The following LINGO1 variants were observed in gnomAD, a reference collection of about 807,000 sequenced individuals.
LINGO1 encodes the protein leucine-rich repeat and immunoglobulin-like domain-containing nogo receptor-interacting protein 1.
In LINGO1, 11 loss-of-function variants were observed where a neutral mutation model predicts 37.3. The ratio of observed to expected loss-of-function variants is 0.29; its 90% confidence interval spans 0.19 to 0.49. The LOEUF is 0.49. Among genes scored for constraint, LINGO1 ranks in the 20% least tolerant of loss-of-function variants. The probability of loss-of-function intolerance (pLI) is 0.99; values close to 1 mark genes in which losing one functional copy is unlikely to be tolerated. For synonymous variants in LINGO1, 387 were observed against 403.0 expected, an observed-to-expected ratio of 0.96 and a Z score of 0.48; for missense variants, 585 against 878.2, an observed-to-expected ratio of 0.67 and a Z score of 4.22.
intron 2 of LINGO1, among the ~76,000 whole-genome samples, chr15:77,682,277 A>AGTGTGC (rs201519543): frequency 2.9e-5 from 4 of 139,832 alleles, no homozygotes; most frequent in African/African-American, 1.1e-4. Context: ...TAGAGATTAA[A>AGTGTGC]GTGTGTGTGT....
chr15:77,714,479 CT>C (rs1294622552), intron 2 of LINGO1, among the ~76,000 whole-genome samples: 2 of 152,182 alleles, frequency 1.3e-5, no homozygotes, highest in African/African-American at 4.8e-5. Context: ...CTCTCTCCCC[CT>C]GCCACTGCCC....
chr15:77,768,363 TTTTC>T (rs1273727360), intron 1 of LINGO1, among the ~76,000 whole-genome samples: 3 of 152,114 alleles, frequency 2.0e-5, no homozygotes, highest in Non-Finnish European at 2.9e-5. Context: ...CCTCCTGAAC[TTTTC>T]TTTCTATTTT....
intron 1 of LINGO1, among the ~76,000 whole-genome samples, chr15:77,619,702 T>TAAATAAAATAAAATAAAATAAAATA (rs138166574): frequency 2.0e-5 from 3 of 147,114 alleles, no homozygotes; most frequent in African/African-American, 7.6e-5. Flanking sequence ...AAACAATAAA[T>TAAATAAAATAAAATAAAATAAAATA]AAATAAAATA....
At chr15:77,760,827 C>CAA in intron 1 of LINGO1, among the ~76,000 whole-genome samples, 1 of 151,928 alleles carries the variant, frequency 6.6e-6, no homozygotes, top group African/African-American at 2.4e-5. Context: ...TAGGACTCAC[C>CAA]ACTGGGCCCA....
chr15:77,665,623 C>T (rs146459949), intron 3 of LINGO1, among the ~76,000 whole-genome samples: 2 of 152,362 alleles, frequency 1.3e-5, no homozygotes, highest in Non-Finnish European at 2.9e-5. Flanking sequence ...TGTCCTCACA[C>T]ATCCCCTCCA....
In LINGO1 at chr15:77,615,818, A is replaced by G. The variant is rs904431701; in HGVS notation, c.89T>C (p.Val30Ala). The stretch of plus-strand genomic sequence containing the variant: ...CGAGCCTGACAGCACTGAGCCCAGC[A>G]CCAGCAGGAGGATGGGCTGCCAGCA... ...LACWQPILLL[V>A]LGSVLSGSAT... The change falls in exon 2 of 2, where the codon GTG (valine) becomes GCG (alanine). Residue 30 changes from valine to alanine, a missense_variant. Val to Ala is a moderately conservative substitution (Grantham distance 64). This residue lies in a region of LINGO1 where 65 missense variants were observed against 57.0 expected (regional missense o/e 1.14). Transcript: ENST00000355300. 3.3e-6 allele frequency: 5 copies of G among 1,534,052 alleles called. No individual in the cohort carries two copies. In the African/African-American group the frequency reaches 5.5e-5, roughly 17 times the overall value.
intron 1 of LINGO1, among the ~76,000 whole-genome samples, chr15:77,807,673 G>A (rs1432112938): frequency 6.6e-6 from 1 of 152,124 alleles, no homozygotes; most frequent in South Asian, 2.1e-4. Flanking sequence ...AAAACAGGGG[G>A]AAAGAAAGGA....
intron 1 of LINGO1, among the ~76,000 whole-genome samples, chr15:77,766,752 C>A (rs141471120): frequency 1.4e-4 from 22 of 152,300 alleles, no homozygotes; most frequent in African/African-American, 5.3e-4. Context: ...AACTATGAGT[C>A]AATTAAACCT....
intron 2 of LINGO1, among the ~76,000 whole-genome samples, chr15:77,728,268 G>A (rs927229160): frequency 6.6e-5 from 10 of 152,252 alleles, no homozygotes; most frequent in African/African-American, 1.9e-4. Flanking sequence ...CTCACCCTGC[G>A]AAGAGCCCAC....
In LINGO1 at chr15:77,614,143, G is replaced by C; in HGVS notation, c.1764C>G (p.Asn588Lys). Residue 588 changes from asparagine (N) to lysine (K), a missense_variant, in exon 2 of 2, where the codon AAC (asparagine) becomes AAG (lysine). Physicochemically the swap from Asn to Lys is moderately conservative, Grantham distance 94. Transcript: ENST00000355300. ...ACTCGATCTCGATGTTGTGCTTTGT[G>C]TTGCCCTTGCCCCGGCTCCAGAGAA... ...LLFLWSRGKG[N>K]TKHNIEIEYV... is the part of the protein sequence containing the mutation. The C allele has an allele frequency of 6.2e-7, 1 of 1,614,042 alleles. No homozygotes were observed. The highest frequency in any genetic ancestry group is 8.5e-7 in the Non-Finnish European group (1 of 1,179,906).
chr15:77,645,936 G>A lies in LINGO1; in HGVS notation c.-12-30036C>T, dbSNP rs77697734. On this transcript the variant is annotated intron_variant, in intron 3 of 3. Transcript: ENST00000559893. ...TGCCTGGGGGTGCCAGGTGGCCTCG[G>A]TGTGGCTGGCAGCCCAGGGTGAGTC... Among the ~76,000 whole-genome samples the A allele has an allele frequency of 5.3e-4, 81 of 152,354 alleles. No individual in the cohort carries two copies. In the East Asian group the frequency reaches 0.015, roughly 29 times the overall value.
chr15:77,746,409 A>G (rs1272509538), intron 1 of LINGO1, among the ~76,000 whole-genome samples: 2 of 152,088 alleles, frequency 1.3e-5, no homozygotes, highest in African/African-American at 4.8e-5. Context: ...CCACCTGTCC[A>G]CTTCCTGCCT....
intron 1 of LINGO1, among the ~76,000 whole-genome samples, chr15:77,739,044 C>G (rs946695359): frequency 3.3e-5 from 5 of 152,246 alleles, no homozygotes; most frequent in Non-Finnish European, 5.9e-5. Context: ...CCTGGGATAA[C>G]AGGCCCAGCA....
upstream of LINGO1, among the ~76,000 whole-genome samples, chr15:77,699,774 T>TCTGCACACAGTAAGCACA (rs2075757887): frequency 7.7e-4 from 7 of 9,090 alleles, no homozygotes; most frequent in Admixed American, 1.8e-3. Context: ...CTAACCATCA[T>TCTGCACACAGTAAGCACA]TCCCCCCCTC....
intron 1 of LINGO1, among the ~76,000 whole-genome samples, chr15:77,740,365 G>A (rs12324894): frequency 0.11 from 16,339 of 152,198 alleles, 1,118 homozygotes; most frequent in African/African-American, 0.19. Context: ...TACTTACCTG[G>A]CATTCAAGGC....
intron 1 of LINGO1, among the ~76,000 whole-genome samples, chr15:77,761,650 G>A (rs1371987668): frequency 6.6e-6 from 1 of 152,214 alleles, no homozygotes; most frequent in African/African-American, 2.4e-5. Flanking sequence ...ATAACTAAGT[G>A]CTCAAAGGAG....
At chr15:77,662,001 G>A (rs1441952632) in intron 3 of LINGO1, among the ~76,000 whole-genome samples, 1 of 152,218 alleles carries the variant, frequency 6.6e-6, no homozygotes, top group Non-Finnish European at 1.5e-5. Context: ...CTCAACGGGA[G>A]CTTCCATGAC....
In LINGO1 at chr15:77,649,413, A is replaced by G. The variant is rs572650882; in HGVS notation, c.-13+27676T>C. ...GTGGGAATGCCTGTTTAGTACAAAT[A>G]TAAGGTTGAGACAAATACCCACATG... On this transcript the variant is annotated intron_variant, in intron 3 of 3. Transcript: ENST00000559893. Among the ~76,000 whole-genome samples, 4 of 152,368 alleles carry G rather than the reference A, an allele frequency of 2.6e-5. No homozygotes were observed. The South Asian group carries it at 6.2e-4, about 24-fold the overall frequency.
intron 3 of LINGO1, among the ~76,000 whole-genome samples, chr15:77,645,074 G>A (rs895210191): frequency 6.6e-6 from 1 of 152,216 alleles, no homozygotes; most frequent in South Asian, 2.1e-4. Flanking sequence ...GGCTCATCAG[G>A]AGTGGGGAGA....
Sources: gnomAD v4.1 joint callset for allele counts (sites outside exome capture counted in the v4.1 genomes callset) on GRCh38, gnomAD v4.1.1 for gene constraint, gnomAD v4.1.1 regional missense constraint, MANE v1.5 for transcripts, NCBI Gene and HGNC (gene_info 2026-07-23, HGNC 2026-07-21) for gene names.